COL1A1: variants seen among roughly 807,000 people sequenced by gnomAD.
The protein encoded by COL1A1 is collagen type I alpha 1 chain.
A neutral mutation model predicts 195.7 loss-of-function variants in COL1A1; 21 were observed. The observed-to-expected ratio is 0.11, with a 90% confidence interval of 0.08 to 0.15. COL1A1 has a LOEUF of 0.15. Among genes scored for constraint, COL1A1 ranks in the 10% least tolerant of loss-of-function variants. The pLI is 1.00. For missense variants in COL1A1, 1,365 were observed against 2,051.0 expected, an observed-to-expected ratio of 0.67 and a Z score of 6.46; for synonymous variants, 749 against 747.3, an observed-to-expected ratio of 1.00 and a Z score of -0.04.
At position 50,198,544 on chromosome 17, in the gene COL1A1, T is replaced by C. The variant is rs1412932151; in HGVS notation, c.472-40A>G. The stretch of plus-strand genomic sequence containing the variant: ...AGAAGTCAGAGTGAGGACAGTGAAT[T>C]GAAAGGCAGAAGACGGCACTGAGGA... On this transcript the variant is annotated intron_variant, in intron 5 of 50. Transcript: ENST00000225964. 3.3e-6 allele frequency: 5 copies of C among 1,538,056 alleles called. No individual in the cohort carries two copies. In the South Asian group the frequency reaches 5.8e-5, roughly 18 times the overall value.
In COL1A1 at chr17:50,194,323, GC is replaced by G; in HGVS notation, c.1614+25del. The stretch of plus-strand genomic sequence containing the variant: ...CACGGGATGGTCAGGGCCTGGCCAA[GC>G]CAGGCTGAAAGCCTGGGGCCTCACC... On this transcript the variant is annotated intron_variant, in intron 23 of 50. Transcript: ENST00000225964. This position sits in a 1 kb window ranked among gnomAD's most constrained non-coding sequence, Gnocchi z 6.8. The G allele has an allele frequency of 6.2e-7, 1 of 1,613,122 alleles. No homozygotes were observed. The highest frequency in any genetic ancestry group is 8.5e-7 in the Non-Finnish European group (1 of 1,179,256).
Position 50,190,562 on chromosome 17 carries a change from G to A in COL1A1, c.2378C>T (p.Thr793Ile), listed in dbSNP as rs755366586. ...ACTTACGGGGGCACCACGAGCTCCAGTGGGACCAGCAGGGCCGCTGGGACC... is the reference window on the plus strand; with the variant it reads ...ACTTACGGGGGCACCACGAGCTCCAATGGGACCAGCAGGGCCGCTGGGACC... ...ESGPSGPAGP[T>I]GARGAPGDRG... The change falls in exon 34 of 51, where the codon ACT becomes ATT. Residue 793 changes from threonine (T) to isoleucine (I), a missense_variant. Physicochemically the swap from Thr to Ile is moderately conservative, Grantham distance 89. Transcript: ENST00000225964. This position sits in a 1 kb window ranked among gnomAD's most constrained non-coding sequence, Gnocchi z 4.7. The A allele has an allele frequency of 4.3e-6, 7 of 1,613,072 alleles. No individual in the cohort carries two copies. In the South Asian group the frequency reaches 5.5e-5, roughly 13 times the overall value.
At chr17:50,198,566 A>G (rs944263111) in intron 5 of COL1A1, 62 bp from the exon 6 acceptor site, 1 of 1,324,928 alleles carries the variant, frequency 7.5e-7, no homozygotes, top group African/African-American at 1.4e-5. Context: ...GACGGCACTG[A>G]GGATGGAAGA....
In COL1A1 at chr17:50,196,493, A is replaced by G. The variant is rs958734898; in HGVS notation, c.894T>C (p.Pro298=). 2.5e-6 allele frequency: 4 copies of G among 1,613,616 alleles called. No individual in the cohort carries two copies. Among genetic ancestry groups the G allele is most frequent in the Non-Finnish European group, 3.4e-6 (4 of 1,179,748 alleles). The change falls in exon 13 of 51, where the codon CCT becomes CCC. Residue 298 remains proline, a synonymous_variant. Transcript: ENST00000225964. The stretch of plus-strand genomic sequence containing the variant: ...AACTGGGCACACTCACCATCTGACC[A>G]GGAGCTCCATTTTCACCAGGGCTGC... ...EPGSPGENGA[P]GQMGPRGLPG... is the part of the protein sequence containing the mutation.
Position 50,189,904 on chromosome 17 carries a change from A to C in COL1A1, c.2568T>G (p.Val856=). Residue 856 remains valine, a synonymous_variant, in exon 37 of 51, where the codon GTT becomes GTG. Coordinates refer to ENST00000225964, the MANE Select transcript of COL1A1 (RefSeq NM_000088.4). The surrounding 1 kb of genome is among the most constrained non-coding windows in gnomAD (Gnocchi z 5.5). The part of the protein sequence containing the change: ...PAGPPGPIGN[V]GAPGAKGARG... ...GAGCACCTTTGGCTCCAGGAGCACC[A>C]ACATTACCCTGTAGGAGAGCACAGA... is the stretch of plus-strand genomic sequence containing the variant. 1 of 1,611,706 alleles carries C rather than the reference A, an allele frequency of 6.2e-7. No homozygotes were observed. The highest frequency in any genetic ancestry group is 8.5e-7 in the Non-Finnish European group (1 of 1,178,926).
rs752685476 is a variant in COL1A1, at chr17:50,198,129, A to G, written c.588+32T>C. ...CTTCCCTCCAAAAGACCAAAGCCCA[A>G]GGAGGCATATGAAGACGTCCTGGAT... On this transcript the variant is annotated intron_variant, in intron 7 of 50. Transcript: ENST00000225964. 4 of 1,613,590 alleles carry G rather than the reference A, an allele frequency of 2.5e-6. No homozygotes were observed. In the South Asian group the frequency reaches 3.3e-5, roughly 13 times the overall value.
At position 50,186,558 on chromosome 17, in the gene COL1A1, C is replaced by A; in HGVS notation, c.3815-51G>T. The A allele has an allele frequency of 6.2e-7, 1 of 1,613,830 alleles. No individual in the cohort carries two copies. Among genetic ancestry groups the A allele is most frequent in the Non-Finnish European group, 8.5e-7 (1 of 1,179,834 alleles). Reference sequence around the variant, plus strand: ...GTCAGGGAAAGGGAGCAGCCAGCACCATATGGTAGGGGCACATATGGGCAT... The same window carrying A: ...GTCAGGGAAAGGGAGCAGCCAGCACAATATGGTAGGGGCACATATGGGCAT... On this transcript the variant is annotated intron_variant, in intron 48 of 50. Transcript: ENST00000225964. This position sits in a 1 kb window ranked among gnomAD's most constrained non-coding sequence, Gnocchi z 5.3.
rs912288472 is a variant in COL1A1 at position 50,185,338 on chromosome 17, G to A, written c.*164C>T. On this transcript the variant is annotated 3_prime_UTR_variant, in exon 51 of 51. Coordinates refer to ENST00000225964, the MANE Select transcript of COL1A1 (RefSeq NM_000088.4). The stretch of plus-strand genomic sequence containing the variant: ...TCGGTTGGTCAAAGATAAAAACTAA[G>A]TTTGAGAGATGAATGCAAAGGAAAA... The A allele has an allele frequency of 6.3e-6, 4 of 633,516 alleles. No homozygotes were observed. Among genetic ancestry groups the A allele is most frequent in the Non-Finnish European group, 1.0e-5 (4 of 394,078 alleles). The allele number at this position is 633,516 out of a possible 1,614,324, so 39.2% of individuals were successfully genotyped here.
Position 50,194,331 on chromosome 17 carries a change from G to A in COL1A1, c.1614+18C>T, listed in dbSNP as rs923054762. Reference sequence around the variant, plus strand: ...GGTCAGGGCCTGGCCAAGCCAGGCTGAAAGCCTGGGGCCTCACCTTGGCAC... The same window carrying A: ...GGTCAGGGCCTGGCCAAGCCAGGCTAAAAGCCTGGGGCCTCACCTTGGCAC... On this transcript the variant is annotated intron_variant, in intron 23 of 50. Transcript: ENST00000225964. The surrounding 1 kb of genome is among the most constrained non-coding windows in gnomAD (Gnocchi z 6.8). 8 of 1,613,686 alleles carry A rather than the reference G, an allele frequency of 5.0e-6. No individual in the cohort carries two copies. The highest frequency in any genetic ancestry group is 2.2e-5 in the East Asian group (1 of 44,860).
At position 50,190,313 on chromosome 17, in the gene COL1A1, G is replaced by A; in HGVS notation, c.2451+14C>T. 3.9e-6 allele frequency: 6 copies of A among 1,547,102 alleles called. No individual in the cohort carries two copies. The East Asian group carries it at 9.0e-5, about 23-fold the overall frequency. ...CAGTCGGTGATGAAAAATGATGGGGGTCTTGGTACTCACAGGGGGGCCAGC... is the reference window on the plus strand; with the variant it reads ...CAGTCGGTGATGAAAAATGATGGGGATCTTGGTACTCACAGGGGGGCCAGC... On this transcript the variant is annotated intron_variant, in intron 35 of 50. Coordinates refer to ENST00000225964, the MANE Select transcript of COL1A1 (RefSeq NM_000088.4). The surrounding 1 kb of genome is among the most constrained non-coding windows in gnomAD (Gnocchi z 4.7).
chr17:50,192,826 C>A lies in COL1A1; in HGVS notation c.1846G>T (p.Ala616Ser). Reference protein sequence around the residue: ...AVGPAGKDGEAGAQGPPGPAG... With the variant: ...AVGPAGKDGESGAQGPPGPAG... ...GGGCCAGGGGGTCCCTGAGCTCCAG[C>A]CTCTCCATCTTTGCCAGCAGGACCC... The change falls in exon 27 of 51, where the codon GCT becomes TCT. Residue 616 changes from alanine to serine, a missense_variant. Physicochemically the swap from Ala to Ser is moderately conservative, Grantham distance 99. This residue lies in a region of COL1A1 where 671 missense variants were observed against 1,099.9 expected (regional missense o/e 0.61). Transcript: ENST00000225964. 1 of 1,613,920 alleles carries A rather than the reference C, an allele frequency of 6.2e-7. No individual in the cohort carries two copies. The highest frequency in any genetic ancestry group is 1.3e-5 in the African/African-American group (1 of 74,958).
intron 45 of COL1A1, 57 bp downstream of exon 45, chr17:50,187,819 T>A (rs1436901342): frequency 1.4e-6 from 2 of 1,455,270 alleles, no homozygotes; most frequent in Admixed American, 4.0e-5. Flanking sequence ...GAGGCGAAGC[T>A]CCCCCTCCTA....
chr17:50,186,965 T>G lies in COL1A1; in HGVS notation c.3532-43A>C. On this transcript the variant is annotated intron_variant, in intron 47 of 50. Transcript: ENST00000225964. The surrounding 1 kb of genome is among the most constrained non-coding windows in gnomAD (Gnocchi z 5.3). ...AGAGTGGGGATTACCGGCATCCAAG[T>G]GCTTTGGGGGCTGGAGGGCCATGAG... 1 of 1,611,876 alleles carries G rather than the reference T, an allele frequency of 6.2e-7. No homozygotes were observed.
intron 26 of COL1A1, 21 bp from the exon 27 acceptor site, chr17:50,192,871 G>C (rs1907218263): frequency 1.2e-6 from 2 of 1,613,792 alleles, no homozygotes; most frequent in Non-Finnish European, 1.7e-6. Flanking sequence ...AGAGCAAAGG[G>C]GAACTCAGGG....
intron 25 of COL1A1, chr17:50,193,685 G>A (rs1907304191): frequency 4.2e-6 from 2 of 474,640 alleles, no homozygotes; most frequent in African/African-American, 3.9e-5. Context: ...GTTTCACTAT[G>A]TTGGCCCGAC....
rs531952269 is a variant in COL1A1, at chr17:50,200,534, T to A, written c.104-587A>T. ...GCACCTAGACATCTTAAAAGCCCGC[T>A]CTCGGGGCCATCCCCAGTCCCCCAA... On this transcript the variant is annotated intron_variant, in intron 1 of 50. Coordinates refer to ENST00000225964, the MANE Select transcript of COL1A1 (RefSeq NM_000088.4). Among the ~76,000 whole-genome samples, 6 of 152,230 alleles carry A rather than the reference T, an allele frequency of 3.9e-5. No individual in the cohort carries two copies. The South Asian group carries it at 1.0e-3, about 26-fold the overall frequency.
chr17:50,194,162 T>G lies in COL1A1; in HGVS notation c.1636A>C (p.Ser546Arg). Reference protein sequence around the residue: ...GAKGLTGSPGSPGPDGKTGPP... With the variant: ...GAKGLTGSPGRPGPDGKTGPP... ...CCAGTTTTGCCATCAGGACCAGGGC[T>G]GCCAGGGCTTCCAGTCAGACCCTAG... The change falls in exon 24 of 51, where the codon AGC (serine) becomes CGC (arginine). Residue 546 changes from serine (S) to arginine (R), a missense_variant. Ser to Arg is a moderately radical substitution (Grantham distance 110). Transcript: ENST00000225964. This position sits in a 1 kb window ranked among gnomAD's most constrained non-coding sequence, Gnocchi z 6.8. 2 of 1,613,420 alleles carry G rather than the reference T, an allele frequency of 1.2e-6. No individual in the cohort carries two copies. The highest frequency in any genetic ancestry group is 1.7e-6 in the Non-Finnish European group (2 of 1,179,886).
intron 45 of COL1A1, 60 bp downstream of exon 45, chr17:50,187,816 A>C: frequency 6.9e-7 from 1 of 1,439,184 alleles, no homozygotes. Context: ...ACTGAGGCGA[A>C]GCTCCCCCTC....
rs756818595 is a variant in COL1A1 at position 50,188,656 on chromosome 17, G to C, written c.3100-19C>G. ...GGTCACCCTGGCGGGGAGAGCAGGG[G>C]AATATGGGTCAGCCCCGGGTGAAGG... On this transcript the variant is annotated intron_variant, in intron 42 of 50. Coordinates refer to ENST00000225964, the MANE Select transcript of COL1A1 (RefSeq NM_000088.4). The surrounding 1 kb of genome is among the most constrained non-coding windows in gnomAD (Gnocchi z 5.6). The C allele has an allele frequency of 6.2e-7, 1 of 1,613,436 alleles. No individual in the cohort carries two copies.
Sources: allele counts gnomAD v4.1 joint callset (sites outside exome capture counted in the v4.1 genomes callset), GRCh38; gene constraint gnomAD v4.1.1; regional missense constraint gnomAD v4.1.1; non-coding constraint Gnocchi (gnomAD v3.1); transcripts MANE v1.5; gene names NCBI Gene and HGNC (gene_info 2026-07-23, HGNC 2026-07-21).